ZNF496: variants seen among roughly 807,000 people sequenced by gnomAD.
ZNF496 encodes the protein zinc finger protein 496, also known as NSD1 (nuclear receptor binding SET-domain containing 1)-interacting zinc finger protein 1.
ZNF496 carries 11 observed loss-of-function variants against 58.9 expected under a neutral mutation model. The ratio of observed to expected loss-of-function variants is 0.19; its 90% CI spans 0.12 to 0.31. The LOEUF (loss-of-function observed/expected upper bound fraction) is 0.31, where lower values mean the gene tolerates loss of function less well. Ranked by LOEUF, ZNF496 falls within the 10% of genes least tolerant of loss-of-function variation. The pLI is 1.00. For synonymous variants in ZNF496, 338 were observed against 318.2 expected (o/e 1.06, Z -0.66); for missense variants, 660 against 783.0 (o/e 0.84, Z 1.88).
intron 9 of ZNF496, among the ~76,000 whole-genome samples, chr1:247,306,829 C>T (rs140101781): frequency 6.6e-6 from 1 of 152,288 alleles, no homozygotes; most frequent in African/African-American, 2.4e-5. Flanking sequence ...CCACCACCTA[C>T]AGCTTGTGAG....
chr1:247,321,220 C>T (rs1659952633), intron 6 of ZNF496, among the ~76,000 whole-genome samples: 1 of 152,014 alleles, frequency 6.6e-6, no homozygotes, highest in Admixed American at 6.6e-5. Context: ...CATACTGCAA[C>T]ATAGATGAAC....
chr1:247,300,511 G>GGA lies in ZNF496; in HGVS notation c.*6_*7dup. 6.3e-7 allele frequency: 1 copy of GGA among 1,594,726 alleles called. No homozygotes were observed. Among genetic ancestry groups the GGA allele is most frequent in the Non-Finnish European group, 8.6e-7 (1 of 1,167,446 alleles). ...CAGCCAGGGTGAGGCCGCCCCAGGC[G>GGA]GAGAGGCTCAGTAGGAGTTCAGAGC... On this transcript the variant is annotated 3_prime_UTR_variant, in exon 10 of 10. Transcript: ENST00000682384. The surrounding 1 kb of genome is among the most constrained non-coding windows in gnomAD (Gnocchi z 5.7).
intron 7 of ZNF496, 48 bp downstream of exon 7, chr1:247,310,276 C>G (rs755781717): frequency 4.1e-5 from 66 of 1,612,052 alleles, no homozygotes; most frequent in Non-Finnish European, 5.4e-5. Context: ...TGAGAACTCC[C>G]CTGCCCAGTT....
Sources: allele counts gnomAD v4.1 joint callset (sites outside exome capture counted in the v4.1 genomes callset), GRCh38; gene constraint gnomAD v4.1.1; non-coding constraint Gnocchi (gnomAD v3.1); transcripts MANE v1.5; gene names NCBI Gene and HGNC (gene_info 2026-07-23, HGNC 2026-07-21).